PDCL: variants seen among roughly 807,000 people sequenced by gnomAD.
PDCL encodes the protein phosducin like.
A neutral mutation model predicts 26.7 loss-of-function variants in PDCL; 11 were observed. The ratio of observed to expected loss-of-function variants is 0.41; its 90% CI spans 0.26 to 0.68. The LOEUF is 0.68. PDCL is among the 30% of genes least tolerant of loss of function. The pLI is 0.30. For missense variants in PDCL, 330 were observed against 371.6 expected (o/e 0.89, Z 0.92); for synonymous variants, 118 against 134.9 (o/e 0.87, Z 0.87).
chr9:122,820,136 C>T lies in PDCL; in HGVS notation c.855G>A (p.Val285=), dbSNP rs765946441. Residue 285 remains valine, a synonymous_variant, in exon 4 of 4, where the codon GTG becomes GTA. Coordinates refer to ENST00000259467, the MANE Select transcript of PDCL (RefSeq NM_005388.5). ...CACTGTGACACGTGGCAGAGTTACGCACAGATGTCAGCACCAAGACTTCCT... is the reference window on the plus strand; with the variant it reads ...CACTGTGACACGTGGCAGAGTTACGTACAGATGTCAGCACCAAGACTTCCT... ...PEKEVLVLTS[V]RNSATCHSED... The T allele has an allele frequency of 6.2e-7, 1 of 1,613,906 alleles. No individual in the cohort carries two copies. The highest frequency in any genetic ancestry group is 8.5e-7 in the Non-Finnish European group (1 of 1,179,868).
rs111903667 is a variant in PDCL, at chr9:122,826,638, G to A, written c.150C>T (p.Gly50=). 50 of 1,614,008 alleles carry A rather than the reference G, an allele frequency of 3.1e-5. No individual in the cohort carries two copies. Among genetic ancestry groups the A allele is most frequent in the African/African-American group, 2.8e-4 (21 of 75,010 alleles). Residue 50 remains glycine (G), a synonymous_variant, in exon 2 of 4, where the codon GGC becomes GGT. Transcript: ENST00000259467. ...TACCTGTGTTAACTGAGATGCCTTC[G>A]CCTGCCAGCTCAGCCTCTGCAGGCA... is the stretch of plus-strand genomic sequence containing the variant. The part of the protein sequence containing the change: ...SSVPAEAELA[G]EGISVNTGPK...
chr9:122,821,148 G>A (rs866652768), intron 3 of PDCL, among the ~76,000 whole-genome samples: 12 of 151,950 alleles, frequency 7.9e-5, no homozygotes, highest in Non-Finnish European at 7.4e-5. Flanking sequence ...TTATAAATGA[G>A]GTTCCAAAAC....
At position 122,828,539 on chromosome 9, in the gene PDCL, T is replaced by G. The variant is rs1829660864; in HGVS notation, c.-74A>C. The G allele has an allele frequency of 6.6e-6, 1 of 152,228 alleles. No individual in the cohort carries two copies. Among genetic ancestry groups the G allele is most frequent in the African/African-American group, 2.4e-5 (1 of 41,440 alleles). The allele number at this position is 152,228 out of a possible 1,614,324, so 9.4% of individuals were successfully genotyped here. A position where few individuals can be genotyped will look rare whatever the true frequency, so the allele number is the denominator to read the frequency against. On this transcript the variant is annotated 5_prime_UTR_variant, in exon 1 of 4. Coordinates refer to ENST00000259467, the MANE Select transcript of PDCL (RefSeq NM_005388.5). ...GCGCCGGAAGGAATGGAGCACTTTCTTAAGAGGAAGAGCAGTGGGTCAGCG... is the reference window on the plus strand; with the variant it reads ...GCGCCGGAAGGAATGGAGCACTTTCGTAAGAGGAAGAGCAGTGGGTCAGCG...
intron 2 of PDCL, among the ~76,000 whole-genome samples, chr9:122,824,149 G>A (rs933997520): frequency 2.6e-5 from 4 of 151,986 alleles, no homozygotes; most frequent in Admixed American, 6.6e-5. Context: ...CCCTTAACCC[G>A]TCAAGCCCTG....
chr9:122,820,452 C>T lies in PDCL; in HGVS notation c.539G>A (p.Ser180Asn), dbSNP rs1224449487. ...ATAAATATGAACCATGATGACAATG[C>T]TTTTCTGTTCTTTATCAATCATGTC... is the stretch of plus-strand genomic sequence containing the variant. ...FLDMIDKEQK[S>N]IVIMVHIYED... The change falls in exon 4 of 4, where the codon AGC becomes AAC. Residue 180 changes from serine to asparagine, a missense_variant. By Grantham distance (46) the Ser-to-Asn change is conservative (BLOSUM62 1). Coordinates refer to ENST00000259467, the MANE Select transcript of PDCL (RefSeq NM_005388.5). The T allele has an allele frequency of 1.2e-6, 2 of 1,614,006 alleles. No individual in the cohort carries two copies. Among genetic ancestry groups the T allele is most frequent in the African/African-American group, 1.3e-5 (1 of 74,902 alleles).
At position 122,823,094 on chromosome 9, in the gene PDCL, T is replaced by C. The variant is rs1829573674; in HGVS notation, c.276A>G (p.Ser92=). ...CATCCAGATGGGACCTGCAAGTCAT[T>C]GACAGCTTCTTGATCAGCCTTTCCA... The part of the protein sequence containing the change: ...REMERLIKKL[S]MTCRSHLDEE... The change falls in exon 3 of 4, where the codon TCA becomes TCG. Residue 92 remains serine, a synonymous_variant. Transcript: ENST00000259467. 3 of 1,614,086 alleles carry C rather than the reference T, an allele frequency of 1.9e-6. No homozygotes were observed. The African/African-American group carries it at 4.0e-5, about 22-fold the overall frequency.
At chr9:122,821,596 T>C (rs1588034933) in intron 3 of PDCL, among the ~76,000 whole-genome samples, 1 of 152,328 alleles carries the variant, frequency 6.6e-6, no homozygotes, top group South Asian at 2.1e-4. Flanking sequence ...TGAAATTATA[T>C]ATAATGTGTC....
chr9:122,820,036 G>A lies in PDCL; in HGVS notation c.*49C>T, dbSNP rs778396688. 1.5e-5 allele frequency: 22 copies of A among 1,438,990 alleles called. No individual in the cohort carries two copies. The highest frequency in any genetic ancestry group is 2.9e-5 in the African/African-American group (2 of 70,162). The allele number at this position is 1,438,990 out of a possible 1,614,324, so 89.1% of individuals were successfully genotyped here. On this transcript the variant is annotated 3_prime_UTR_variant, in exon 4 of 4. Transcript: ENST00000259467. ...CAAAGGAACAAAAATAAACAATGAC[G>A]TGTATTCCAACCCAAACAATGAGAA...
chr9:122,824,852 T>C (rs1829603238), intron 2 of PDCL, among the ~76,000 whole-genome samples: 1 of 152,106 alleles, frequency 6.6e-6, no homozygotes, highest in Non-Finnish European at 1.5e-5. Flanking sequence ...CCTCACCAAA[T>C]ACTAAAATAT....
At chr9:122,821,271 C>T (rs1289786586) in intron 3 of PDCL, among the ~76,000 whole-genome samples, 1 of 152,094 alleles carries the variant, frequency 6.6e-6, no homozygotes, top group Non-Finnish European at 1.5e-5. Context: ...TCCAAATAGG[C>T]AGCATCATAT....
intron 3 of PDCL, among the ~76,000 whole-genome samples, chr9:122,821,748 C>T (rs564337573): frequency 6.6e-6 from 1 of 151,908 alleles, no homozygotes; most frequent in African/African-American, 2.4e-5. Flanking sequence ...CCTCTCACCT[C>T]AGTATCAGGA....
intron 1 of PDCL, 130 bp from the exon 2 acceptor site, chr9:122,826,922 A>C: frequency 2.5e-6 from 2 of 792,664 alleles, no homozygotes; most frequent in South Asian, 3.5e-5. Flanking sequence ...TTTCATAACC[A>C]AAATCTTAAC....
At chr9:122,822,815 G>A (rs1352362093) in intron 3 of PDCL, among the ~76,000 whole-genome samples, 1 of 152,142 alleles carries the variant, frequency 6.6e-6, no homozygotes, top group Non-Finnish European at 1.5e-5. Context: ...GATTCAGAAG[G>A]GAAGAGACTC....
intron 3 of PDCL, among the ~76,000 whole-genome samples, chr9:122,821,829 G>A (rs1027870057): frequency 1.3e-5 from 2 of 151,996 alleles, no homozygotes; most frequent in African/African-American, 2.4e-5. Context: ...CCCCTGCCCC[G>A]GTGCAGCAAG....
In PDCL at chr9:122,826,617, T is replaced by C. The variant is rs995325634; in HGVS notation, c.171A>G (p.Thr57=). The stretch of plus-strand genomic sequence containing the variant: ...CCAGAGCCCAGGGTTTCTCAGTACC[T>C]GTGTTAACTGAGATGCCTTCGCCTG... The part of the protein sequence containing the change: ...ELAGEGISVN[T]GPKGVINDWR... The change falls in exon 2 of 4, where the codon ACA becomes ACG. Residue 57 remains threonine (T), a splice_region_variant and synonymous_variant. Transcript: ENST00000259467. 21 of 1,612,962 alleles carry C rather than the reference T, an allele frequency of 1.3e-5. No individual in the cohort carries two copies. The highest frequency in any genetic ancestry group is 1.7e-5 in the Non-Finnish European group (20 of 1,179,252).
At position 122,826,603 on chromosome 9, in the gene PDCL, G is replaced by A. The variant is rs201646219; in HGVS notation, c.172+13C>T. On this transcript the variant is annotated intron_variant, in intron 2 of 3. Transcript: ENST00000259467. Reference sequence around the variant, plus strand: ...TTTTAAGCCTGTTCCCAGAGCCCAGGGTTTCTCAGTACCTGTGTTAACTGA... The same window carrying A: ...TTTTAAGCCTGTTCCCAGAGCCCAGAGTTTCTCAGTACCTGTGTTAACTGA... 75 of 1,609,540 alleles carry A rather than the reference G, an allele frequency of 4.7e-5. No individual in the cohort carries two copies. Among genetic ancestry groups the A allele is most frequent in the Non-Finnish European group, 5.9e-5 (70 of 1,177,510 alleles).
chr9:122,826,379 A>T (rs559792141), intron 2 of PDCL, among the ~76,000 whole-genome samples: 4 of 152,186 alleles, frequency 2.6e-5, no homozygotes, highest in Non-Finnish European at 5.9e-5. Context: ...TGTTAATACG[A>T]GATGCAGGAT....
Position 122,818,173 on chromosome 9 carries a change from CAGG to C in PDCL, c.*1909_*1911del, listed in dbSNP as rs1371935611. Among the ~76,000 whole-genome samples, 2 of 152,176 alleles carry C rather than the reference CAGG, an allele frequency of 1.3e-5. No individual in the cohort carries two copies. Among genetic ancestry groups the C allele is most frequent in the African/African-American group, 4.8e-5 (2 of 41,450 alleles). On this transcript the variant is annotated 3_prime_UTR_variant, in exon 4 of 4. Transcript: ENST00000259467. ...GTCCCAGCTACTCAGGAGGCTGAGG[CAGG>C]AGAACTGCTTGAACCCAGGAGGTGG...
chr9:122,824,053 T>C (rs1829590153), intron 2 of PDCL, among the ~76,000 whole-genome samples: 1 of 152,192 alleles, frequency 6.6e-6, no homozygotes, highest in South Asian at 2.1e-4. Context: ...ATGATGGGCA[T>C]GAGCCACCGC....
Sources: gnomAD v4.1 joint callset for allele counts (sites outside exome capture counted in the v4.1 genomes callset) on GRCh38, gnomAD v4.1.1 for gene constraint, MANE v1.5 for transcripts, NCBI Gene and HGNC (gene_info 2026-07-23, HGNC 2026-07-21) for gene names.